MRC1: variants seen among roughly 807,000 people sequenced by gnomAD.
MRC1 encodes macrophage mannose receptor 1.
In MRC1, 62 loss-of-function variants were observed where a neutral mutation model predicts 102.9. The ratio of observed to expected loss-of-function variants is 0.60; its 90% confidence interval spans 0.49 to 0.74. The LOEUF (loss-of-function observed/expected upper bound fraction) is 0.74, where lower values mean the gene tolerates loss of function less well. Among genes scored for constraint, MRC1 ranks in the 30% least tolerant of loss-of-function variants. MRC1 has a pLI of 0.00. For missense variants in MRC1, 1,237 were observed against 862.8 expected, an observed-to-expected ratio of 1.43 and a Z score of -5.43; for synonymous variants, 457 against 298.4, an observed-to-expected ratio of 1.53 and a Z score of -5.48.
chr10:17,850,445 A>C (rs1216254742), intron 7 of MRC1, among the ~76,000 whole-genome samples: 3 of 152,092 alleles, frequency 2.0e-5, no homozygotes, highest in East Asian at 1.9e-4. Flanking sequence ...TACTAAAAAA[A>C]ATTTTTTTTA....
chr10:17,909,576 T>C (rs1833942009), intron 29 of MRC1, among the ~76,000 whole-genome samples: 2 of 151,650 alleles, frequency 1.3e-5, no homozygotes, highest in Non-Finnish European at 1.5e-5. Context: ...TTTTTTTTTT[T>C]CGCTCTGTTA....
rs1057184671 is a variant in MRC1 at position 17,875,238 on chromosome 10, G to C, written c.2535G>C (p.Lys845Asn). 1.3e-6 allele frequency: 1 copy of C among 780,612 alleles called. No individual in the cohort carries two copies. Among genetic ancestry groups the C allele is most frequent in the African/African-American group, 1.7e-5 (1 of 59,114 alleles). The allele number at this position is 780,612 out of a possible 1,614,324, so 48.4% of individuals were successfully genotyped here. A position where few individuals can be genotyped will look rare whatever the true frequency, so the allele number is the denominator to read the frequency against. The change falls in exon 17 of 30, where the codon AAG becomes AAC. Residue 845 changes from lysine to asparagine, a missense_variant. Coordinates refer to ENST00000569591, the MANE Select transcript of MRC1 (RefSeq NM_002438.4). ...CTATTCAAAGTGAAAGTGAAAAGAA[G>C]TTTCTATGGAAATATGTAAGGACAT... ...LVSIQSESEK[K>N]FLWKYVNRND... is the part of the protein sequence containing the mutation.
At chr10:17,828,739 G>A (rs1160887717) in intron 3 of MRC1, among the ~76,000 whole-genome samples, 1 of 151,528 alleles carries the variant, frequency 6.6e-6, no homozygotes, top group Non-Finnish European at 1.5e-5. Flanking sequence ...TCTTAAAAAT[G>A]AAAATTCAGG....
chr10:17,827,936 T>G (rs1006880781), intron 3 of MRC1, among the ~76,000 whole-genome samples: 42 of 152,300 alleles, frequency 2.8e-4, no homozygotes, highest in Non-Finnish European at 5.0e-4. Context: ...GACTTTATAC[T>G]GTAGGCTTTG....
intron 24 of MRC1, among the ~76,000 whole-genome samples, chr10:17,899,956 C>T (rs945389837): frequency 3.7e-4 from 56 of 151,802 alleles, no homozygotes; most frequent in Middle Eastern, 6.8e-3. Flanking sequence ...AAAAATTAGC[C>T]GGGCATGGTG....
At chr10:17,900,313 G>A (rs1264491516) in intron 24 of MRC1, among the ~76,000 whole-genome samples, 2 of 151,906 alleles carry the variant, frequency 1.3e-5, no homozygotes, top group African/African-American at 2.4e-5. Context: ...TAGCTAAGCC[G>A]TTTACCATTG....
chr10:17,908,714 G>A (rs1011733943), intron 28 of MRC1, among the ~76,000 whole-genome samples: 2 of 152,088 alleles, frequency 1.3e-5, no homozygotes, highest in Non-Finnish European at 2.9e-5. Context: ...GATTACAGGC[G>A]CACGCCACTA....
chr10:17,866,394 G>A (rs1833267596), intron 11 of MRC1, among the ~76,000 whole-genome samples, 168 bp from the exon 12 acceptor site: 1 of 150,304 alleles, frequency 6.7e-6, no homozygotes, highest in Non-Finnish European at 1.5e-5. Flanking sequence ...CCTGTGTAGG[G>A]GGCACTTTGC....
intron 1 of MRC1, among the ~76,000 whole-genome samples, chr10:17,813,700 A>ATATATATAT (rs1401200082): frequency 2.4e-5 from 3 of 125,706 alleles, no homozygotes; most frequent in African/African-American, 1.0e-4. Context: ...ATATATATAT[A>ATATATATAT]TTTTTTTTTT....
At chr10:17,885,192 C>G (rs1359595641) in intron 21 of MRC1, 77 bp from the exon 22 acceptor site, 1 of 776,212 alleles carries the variant, frequency 1.3e-6, no homozygotes, top group South Asian at 1.4e-5. Flanking sequence ...TTTTGAAATT[C>G]ATATATTTTG....
chr10:17,831,201 C>T (rs1054331745), intron 3 of MRC1, among the ~76,000 whole-genome samples: 1 of 150,816 alleles, frequency 6.6e-6, no homozygotes, highest in African/African-American at 2.5e-5. Flanking sequence ...GCATTTTCTA[C>T]CATATTATAA....
At chr10:17,828,367 G>A (rs1241444390) in intron 3 of MRC1, among the ~76,000 whole-genome samples, 3 of 151,414 alleles carry the variant, frequency 2.0e-5, no homozygotes, top group African/African-American at 7.4e-5. Flanking sequence ...GAGCCGGCGC[G>A]CCCGACTATG....
At chr10:17,850,256 G>GTTTTT (rs71507247) in intron 7 of MRC1, among the ~76,000 whole-genome samples, 69,921 of 130,826 alleles carry the variant, frequency 0.53, 19,305 homozygotes, top group South Asian at 0.63. Context: ...AAATATAGGA[G>GTTTTT]TTTTTTTTTT....
intron 21 of MRC1, 111 bp from the exon 22 acceptor site, chr10:17,885,158 A>G (rs930538058): frequency 2.2e-4 from 162 of 748,922 alleles, no homozygotes; most frequent in Non-Finnish European, 3.4e-4. Context: ...TTAAGTAACA[A>G]TGACACAAGT....
In MRC1 at chr10:17,818,382, A is replaced by G. The variant is rs548781307; in HGVS notation, c.62-4692A>G. Among the ~76,000 whole-genome samples, 190 of 152,372 alleles carry G rather than the reference A, an allele frequency of 1.2e-3. 1 individual carries two copies. The highest frequency in any genetic ancestry group is 4.2e-3 in the African/African-American group (176 of 41,580). ...AAAGATCAAGTACCTCGTCTCATGAAATTTACATTCCAGTAGGGGACTATG... is the reference window on the plus strand; with the variant it reads ...AAAGATCAAGTACCTCGTCTCATGAGATTTACATTCCAGTAGGGGACTATG... On this transcript the variant is annotated intron_variant, in intron 1 of 29. Coordinates refer to ENST00000569591, the MANE Select transcript of MRC1 (RefSeq NM_002438.4).
chr10:17,856,169 CAAAAAA>C (rs1243445821), intron 8 of MRC1, 67 bp from the exon 9 acceptor site: 146 of 516,460 alleles, frequency 2.8e-4, no homozygotes, highest in East Asian at 7.0e-4. Context: ...GACACTGTCT[CAAAAAA>C]AAAAAAAAAA....
intron 1 of MRC1, among the ~76,000 whole-genome samples, chr10:17,819,494 C>A: frequency 7.0e-6 from 1 of 142,656 alleles, no homozygotes. Flanking sequence ...TGTGTGTACA[C>A]AGAAAGGGAA....
intron 4 of MRC1, among the ~76,000 whole-genome samples, chr10:17,838,810 C>A (rs1157041702): frequency 6.6e-6 from 1 of 151,724 alleles, no homozygotes; most frequent in Non-Finnish European, 1.5e-5. Flanking sequence ...CCCAACTGTA[C>A]AAAAAAAATT....
intron 9 of MRC1, among the ~76,000 whole-genome samples, chr10:17,860,702 C>A (rs1274626726): frequency 1.3e-5 from 2 of 152,198 alleles, no homozygotes; most frequent in Admixed American, 6.5e-5. Flanking sequence ...TATTGTCTTC[C>A]ATAGGCAACT....
Sources: allele counts gnomAD v4.1 joint callset (sites outside exome capture counted in the v4.1 genomes callset), GRCh38; gene constraint gnomAD v4.1.1; transcripts MANE v1.5; gene names NCBI Gene and HGNC (gene_info 2026-07-23, HGNC 2026-07-21).